The following CSNK2A1 variants were observed in gnomAD, a reference collection of about 807,000 sequenced individuals.
The protein encoded by CSNK2A1 is casein kinase 2 alpha 1, also known as casein kinase II subunit alpha.
A neutral mutation model predicts 62.9 loss-of-function variants in CSNK2A1; 10 were observed. The observed-to-expected ratio is 0.16, with a 90% CI of 0.10 to 0.27. CSNK2A1 has a LOEUF of 0.27. Ranked by LOEUF, CSNK2A1 falls within the 10% of genes least tolerant of loss-of-function variation. The pLI is 1.00. For missense variants in CSNK2A1, 160 were observed against 492.0 expected (o/e 0.33, Z 6.38); for synonymous variants, 124 against 167.8 (o/e 0.74, Z 2.02).
chr20:539,025 T>C (rs2019392263), intron 1 of CSNK2A1, among the ~76,000 whole-genome samples: 1 of 152,214 alleles, frequency 6.6e-6, no homozygotes, highest in African/African-American at 2.4e-5. Context: ...TCAACACCAT[T>C]ATTCCGTGGA....
rs1480137833 is a variant in CSNK2A1, at chr20:473,539, G to A, written c.*10422C>T. On this transcript the variant is annotated 3_prime_UTR_variant, in exon 14 of 14. Coordinates refer to ENST00000217244, the MANE Select transcript of CSNK2A1 (RefSeq NM_177559.3). ...CACAGACTAAGGCTTTTGTCCGGTA[G>A]GGGATACAGGGAAGGGTCTGGGTGG... is the stretch of plus-strand genomic sequence containing the variant. 3.3e-5 allele frequency: 5 copies of A among 152,206 alleles called. No individual in the cohort carries two copies. Among genetic ancestry groups the A allele is most frequent in the African/African-American group, 1.2e-4 (5 of 41,452 alleles). The allele number at this position is 152,206 out of a possible 1,614,324, so 9.4% of individuals were successfully genotyped here. A position where few individuals can be genotyped will look rare whatever the true frequency, so the allele number is the denominator to read the frequency against.
chr20:499,166 T>G lies in CSNK2A1; in HGVS notation c.366+89A>C. ...GGATGAAAAGCTTTTTAAAAACAAA[T>G]GCGAAGCAAGCTCTTCTAACAGCAT... On this transcript the variant is annotated intron_variant, in intron 6 of 13. Transcript: ENST00000217244. This position sits in a 1 kb window ranked among gnomAD's most constrained non-coding sequence, Gnocchi z 4.2. The G allele has an allele frequency of 8.6e-7, 1 of 1,167,196 alleles. No individual in the cohort carries two copies. Among genetic ancestry groups the G allele is most frequent in the Non-Finnish European group, 1.2e-6 (1 of 863,938 alleles). The allele number at this position is 1,167,196 out of a possible 1,614,324, so 72.3% of individuals were successfully genotyped here. A position where few individuals can be genotyped will look rare whatever the true frequency, so the allele number is the denominator to read the frequency against.
intron 1 of CSNK2A1, among the ~76,000 whole-genome samples, chr20:537,162 T>C (rs1207587322): frequency 6.6e-6 from 1 of 151,982 alleles, no homozygotes; most frequent in Non-Finnish European, 1.5e-5. Flanking sequence ...GACAAGAAAG[T>C]ATAAAAAGAA....
chr20:497,610 T>C (rs2018371558), intron 7 of CSNK2A1, 111 bp downstream of exon 7: 1 of 892,642 alleles, frequency 1.1e-6, no homozygotes, highest in Admixed American at 2.3e-5. Flanking sequence ...TAGAGGTCCC[T>C]TCTTTCAACA....
At chr20:519,254 A>G (rs1282692649) in intron 2 of CSNK2A1, among the ~76,000 whole-genome samples, 1 of 152,178 alleles carries the variant, frequency 6.6e-6, no homozygotes, top group Non-Finnish European at 1.5e-5. Context: ...ATATACTTTT[A>G]ATTGGTACTA....
At chr20:489,997 CACT>C in intron 9 of CSNK2A1, 116 bp from the exon 10 acceptor site, 2 of 750,080 alleles carry the variant, frequency 2.7e-6, no homozygotes, top group Non-Finnish European at 4.0e-6. Flanking sequence ...AAAATCAAAA[CACT>C]AATAACATCT....
intron 13 of CSNK2A1, among the ~76,000 whole-genome samples, chr20:485,787 T>C (rs768913798): frequency 2.6e-5 from 4 of 152,238 alleles, no homozygotes; most frequent in Non-Finnish European, 5.9e-5. Flanking sequence ...TGTAAGTAAA[T>C]GCCTTCACTA....
rs1163980720 is a variant in CSNK2A1, at chr20:543,773, A to G, written c.-328T>C. 2 of 398,338 alleles carry G rather than the reference A, an allele frequency of 5.0e-6. No individual in the cohort carries two copies. Among genetic ancestry groups the G allele is most frequent in the Non-Finnish European group, 8.8e-6 (2 of 225,996 alleles). 24.7% of individuals were successfully genotyped at this position (398,338 alleles called of 1,614,324 possible). A position where few individuals can be genotyped will look rare whatever the true frequency, so the allele number is the denominator to read the frequency against. On this transcript the variant is annotated 5_prime_UTR_variant, in exon 1 of 14. Transcript: ENST00000217244. ...GACACACGGCTCGGCCGCCAGCCGC[A>G]GGGACCAGAGCGAGGCTGCAGCCGC...
intron 10 of CSNK2A1, 165 bp downstream of exon 10, chr20:489,615 G>A: frequency 2.1e-6 from 1 of 473,596 alleles, no homozygotes. Context: ...ACAAAGACTA[G>A]GGGGGAATGT....
At chr20:495,665 G>A in intron 8 of CSNK2A1, 54 bp downstream of exon 8, 2 of 1,475,112 alleles carry the variant, frequency 1.4e-6, no homozygotes, top group South Asian at 1.1e-5. Flanking sequence ...TGTTGAAGAT[G>A]GGCAATTAGC....
At chr20:524,234 G>A (rs1182446326) in intron 2 of CSNK2A1, among the ~76,000 whole-genome samples, 2 of 151,676 alleles carry the variant, frequency 1.3e-5, no homozygotes, top group Admixed American at 1.3e-4. Context: ...AACCACCCTG[G>A]CCAGTACAGT....
rs2122542985 is a variant in CSNK2A1 at position 499,298 on chromosome 20, G to A, written c.323C>T (p.Thr108Ile). 1 of 1,608,180 alleles carries A rather than the reference G, an allele frequency of 6.2e-7. No homozygotes were observed. ...TACGTGTTCAAAAACCAAGGCGGGGGTTCGTGACTAGGGGAAAAGAACAAA... is the reference window on the plus strand; with the variant it reads ...TACGTGTTCAAAAACCAAGGCGGGGATTCGTGACTAGGGGAAAAGAACAAA... ...ADIVKDPVSR[T>I]PALVFEHVNN... Residue 108 changes from threonine to isoleucine, a missense_variant, in exon 6 of 14, where the codon ACC (threonine) becomes ATC (isoleucine). This residue lies in a region of CSNK2A1 where 94 missense variants were observed against 357.6 expected (regional missense o/e 0.26). Coordinates refer to ENST00000217244, the MANE Select transcript of CSNK2A1 (RefSeq NM_177559.3). This position sits in a 1 kb window ranked among gnomAD's most constrained non-coding sequence, Gnocchi z 4.2.
chr20:529,266 T>C (rs1214312706), intron 1 of CSNK2A1, among the ~76,000 whole-genome samples: 1 of 150,208 alleles, frequency 6.7e-6, no homozygotes, highest in Non-Finnish European at 1.5e-5. Context: ...GCTCAAGCAA[T>C]CCTCCCGCCT....
chr20:502,121 A>G (rs941950500), intron 4 of CSNK2A1: 1 of 152,226 alleles, frequency 6.6e-6, no homozygotes, highest in African/African-American at 2.4e-5. Flanking sequence ...AGTGATTTAC[A>G]TACCACAGTT....
intron 11 of CSNK2A1, chr20:488,378 A>G (rs1242571971): frequency 7.4e-6 from 2 of 269,882 alleles, no homozygotes; most frequent in Non-Finnish European, 1.4e-5. Context: ...CACTTAAAGA[A>G]GCAAGGTAAA....
At chr20:512,690 G>A (rs148904327) in intron 2 of CSNK2A1, among the ~76,000 whole-genome samples, 59 of 152,272 alleles carry the variant, frequency 3.9e-4, no homozygotes, top group Non-Finnish European at 7.9e-4. Flanking sequence ...CCAAAAAACT[G>A]CTGTAACTTG....
chr20:520,649 G>A (rs2018926677), intron 2 of CSNK2A1, among the ~76,000 whole-genome samples: 1 of 152,136 alleles, frequency 6.6e-6, no homozygotes, highest in South Asian at 2.1e-4. Flanking sequence ...ACAGGAGTGT[G>A]TCACTATGCC....
chr20:475,899 C>T lies in CSNK2A1; in HGVS notation c.*8062G>A, dbSNP rs544372587. 1 of 152,246 alleles carries T rather than the reference C, an allele frequency of 6.6e-6. No homozygotes were observed. Among genetic ancestry groups the T allele is most frequent in the Admixed American group, 6.5e-5 (1 of 15,290 alleles). The allele number at this position is 152,246 out of a possible 1,614,324, so 9.4% of individuals were successfully genotyped here. ...TTCACATGGAGGTGTCCAGCCCAGC[C>T]GACCCACAACCTGAAAAACAGCTGC... On this transcript the variant is annotated 3_prime_UTR_variant, in exon 14 of 14. Transcript: ENST00000217244.
chr20:497,900 T>C (rs1454387849), intron 6 of CSNK2A1, 120 bp from the exon 7 acceptor site: 3 of 776,874 alleles, frequency 3.9e-6, no homozygotes, highest in Non-Finnish European at 4.3e-6. Flanking sequence ...GATCTGTCCA[T>C]TCACTGCCCT....
Sources: gnomAD v4.1 joint callset for allele counts (sites outside exome capture counted in the v4.1 genomes callset) on GRCh38, gnomAD v4.1.1 for gene constraint, gnomAD v4.1.1 regional missense constraint, Gnocchi (gnomAD v3.1) non-coding constraint, MANE v1.5 for transcripts, NCBI Gene and HGNC (gene_info 2026-07-23, HGNC 2026-07-21) for gene names.